Variants in CLN6 observed in about 807,000 individuals in gnomAD.
CLN6 encodes the protein ceroid-lipofuscinosis neuronal protein 6.
A neutral mutation model predicts 33.3 loss-of-function variants in CLN6; 22 were observed. The observed-to-expected ratio is 0.66, with a 90% confidence interval of 0.47 to 0.94. CLN6 has a LOEUF of 0.94. Among genes scored for constraint, CLN6 ranks in the 40% least tolerant of loss-of-function variants. The pLI is 0.00. For synonymous variants in CLN6, 201 were observed against 174.6 expected, an observed-to-expected ratio of 1.15 and a Z score of -1.19; for missense variants, 387 against 417.1, an observed-to-expected ratio of 0.93 and a Z score of 0.63.
intron 1 of CLN6, among the ~76,000 whole-genome samples, chr15:68,222,333 C>A (rs553398976): frequency 2.2e-5 from 3 of 136,764 alleles, no homozygotes; most frequent in Non-Finnish European, 4.7e-5. Flanking sequence ...GGCTGCCCAT[C>A]GTCTGTCTGG....
At position 68,227,174 on chromosome 15, in the gene CLN6, A is replaced by G. The variant is rs896334518; in HGVS notation, c.83+2328T>C. Among the ~76,000 whole-genome samples, 7 of 151,834 alleles carry G rather than the reference A, an allele frequency of 4.6e-5. No homozygotes were observed. In the East Asian group the frequency reaches 1.4e-3, roughly 29 times the overall value. On this transcript the variant is annotated intron_variant, in intron 1 of 6. Coordinates refer to ENST00000249806, the MANE Select transcript of CLN6 (RefSeq NM_017882.3). This position sits in a 1 kb window ranked among gnomAD's most constrained non-coding sequence, Gnocchi z 4.1. ...TGCCTCAGCCTCCTGAGTAGCTGGG[A>G]TTACAGGCATGGGCCATCACACCTG...
In CLN6 at chr15:68,247,159, CATAGCAA is replaced by C. The variant is rs1242491340; in HGVS notation, c.179+9524_179+9530del. 1.2e-4 allele frequency among the ~76,000 whole-genome samples: 18 copies of C among 152,102 alleles called. No individual in the cohort carries two copies. The highest frequency in any genetic ancestry group is 4.3e-4 in the African/African-American group (18 of 41,412). On this transcript the variant is annotated intron_variant, in intron 1 of 6. Transcript: ENST00000538696. This position sits in a 1 kb window ranked among gnomAD's most constrained non-coding sequence, Gnocchi z 4.2. ...TCAACATAGTATTGGAAGTCCTGTC[CATAGCAA>C]TTAGGCAAGAGAAAGAAATAAAGAG... is the stretch of plus-strand genomic sequence containing the variant.
rs1272143300 is a variant in CLN6 at position 68,214,358 on chromosome 15, T to C, written c.229A>G (p.Asn77Asp). 1 of 1,613,988 alleles carries C rather than the reference T, an allele frequency of 6.2e-7. No homozygotes were observed. Among genetic ancestry groups the C allele is most frequent in the Admixed American group, 1.7e-5 (1 of 60,028 alleles). ...AAGTAGTCCCCAACACTGGGCTTGT[T>C]GAGTGGAAACCACTCGAGAGGGAAT... is the stretch of plus-strand genomic sequence containing the variant. ...LVFPLEWFPL[N>D]KPSVGDYFHM... is the part of the protein sequence containing the mutation. The change falls in exon 3 of 7, where the codon AAC (asparagine) becomes GAC (aspartate). Residue 77 changes from asparagine (N) to aspartate (D), a missense_variant. Transcript: ENST00000249806.
At position 68,207,668 on chromosome 15, in the gene CLN6, A is replaced by T; in HGVS notation, c.*472T>A. The T allele has an allele frequency of 4.5e-6, 1 of 223,574 alleles. No individual in the cohort carries two copies. The highest frequency in any genetic ancestry group is 9.0e-6 in the Non-Finnish European group (1 of 110,890). The allele number at this position is 223,574 out of a possible 1,614,324, so 13.8% of individuals were successfully genotyped here. ...TTTGCTCAACAGCCACAGTAGGCTG[A>T]CGTAACCTATGTAATGTAGGGTCAG... On this transcript the variant is annotated 3_prime_UTR_variant, in exon 7 of 7. Transcript: ENST00000249806.
chr15:68,249,506 A>C (rs1225052712), intron 1 of CLN6, among the ~76,000 whole-genome samples: 1 of 152,218 alleles, frequency 6.6e-6, no homozygotes, highest in African/African-American at 2.4e-5. Context: ...AAAAGAATGA[A>C]ACTCTGTCAT....
chr15:68,219,692 C>T lies in CLN6; in HGVS notation c.84-1042G>A, dbSNP rs2093230196. Among the ~76,000 whole-genome samples, 1 of 152,188 alleles carries T rather than the reference C, an allele frequency of 6.6e-6. No individual in the cohort carries two copies. Among genetic ancestry groups the T allele is most frequent in the Admixed American group, 6.5e-5 (1 of 15,282 alleles). On this transcript the variant is annotated intron_variant, in intron 1 of 6. Coordinates refer to ENST00000249806, the MANE Select transcript of CLN6 (RefSeq NM_017882.3). This position sits in a 1 kb window ranked among gnomAD's most constrained non-coding sequence, Gnocchi z 4.2. ...GGAGCTGTACTCTCCCATCTAGACC[C>T]TCGAGAACAGGGGTGACCTTTAAGG...
chr15:68,221,808 T>A (rs963667986), intron 1 of CLN6, among the ~76,000 whole-genome samples: 7 of 145,488 alleles, frequency 4.8e-5, no homozygotes, highest in Non-Finnish European at 3.0e-5. Context: ...GGCCGCCCCG[T>A]CTGGGAAGTG....
intron 2 of CLN6, chr15:68,215,183 G>C (rs1016125885): frequency 1.3e-5 from 2 of 152,204 alleles, no homozygotes; most frequent in African/African-American, 4.8e-5. Context: ...GAAGGATTTA[G>C]ATGGTTCTCT....
chr15:68,222,941 A>T (rs2093242021), intron 1 of CLN6, among the ~76,000 whole-genome samples: 8 of 152,260 alleles, frequency 5.3e-5, no homozygotes. Flanking sequence ...GCTCGTTAAG[A>T]GTCATCACCA....
rs556637983 is a variant in CLN6, at chr15:68,244,612, T to C, written c.179+12078A>G. Among the ~76,000 whole-genome samples the C allele has an allele frequency of 2.6e-5, 4 of 152,174 alleles. No individual in the cohort carries two copies. In the East Asian group the frequency reaches 5.8e-4, roughly 22 times the overall value. Reference sequence around the variant, plus strand: ...ACACTAATGTGCCAAAAGAAAACATTTGAAAGCATAAAACCTACTGGTAAA... The same window carrying C: ...ACACTAATGTGCCAAAAGAAAACATCTGAAAGCATAAAACCTACTGGTAAA... On this transcript the variant is annotated intron_variant, in intron 1 of 6. Transcript: ENST00000538696.
chr15:68,249,478 A>T (rs1293761445), intron 1 of CLN6, among the ~76,000 whole-genome samples: 1 of 152,250 alleles, frequency 6.6e-6, no homozygotes, highest in African/African-American at 2.4e-5. Context: ...TATACAATGG[A>T]ATACTGTTCA....
At chr15:68,235,591 T>TAAATAAATAA (rs1171927856) in intron 1 of CLN6, among the ~76,000 whole-genome samples, 26 of 6,040 alleles carry the variant, frequency 4.3e-3, no homozygotes, top group Admixed American at 8.2e-3. Flanking sequence ...AAAATAAATA[T>TAAATAAATAA]ATATATATAT....
chr15:68,218,256 C>T (rs558453118), intron 2 of CLN6: 1 of 366,830 alleles, frequency 2.7e-6, no homozygotes, highest in South Asian at 2.3e-5. Flanking sequence ...TGCTTCCAGA[C>T]ACAGGCCAGA....
At position 68,208,067 on chromosome 15, in the gene CLN6, T is replaced by C. The variant is rs1595816335; in HGVS notation, c.*73A>G. 2.7e-6 allele frequency: 4 copies of C among 1,503,250 alleles called. No individual in the cohort carries two copies. The Admixed American group carries it at 5.9e-5, about 22-fold the overall frequency. The allele number at this position is 1,503,250 out of a possible 1,614,324, so 93.1% of individuals were successfully genotyped here. On this transcript the variant is annotated 3_prime_UTR_variant, in exon 7 of 7. Coordinates refer to ENST00000249806, the MANE Select transcript of CLN6 (RefSeq NM_017882.3). This position sits in a 1 kb window ranked among gnomAD's most constrained non-coding sequence, Gnocchi z 5.8. ...TCTGGTTACACACCCACACCCCCCCTACTCCTGTATTCAGATGCCCTCCAT... is the reference window on the plus strand; with the variant it reads ...TCTGGTTACACACCCACACCCCCCCCACTCCTGTATTCAGATGCCCTCCAT...
intron 3 of CLN6, chr15:68,214,050 G>A (rs998138736): frequency 3.2e-5 from 15 of 466,190 alleles, no homozygotes; most frequent in Non-Finnish European, 5.2e-5. Flanking sequence ...CCACTGGCAC[G>A]CCAGGCTGAG....
rs373913392 is a variant in CLN6, at chr15:68,220,375, G to T, written c.84-1725C>A. Among the ~76,000 whole-genome samples the T allele has an allele frequency of 1.4e-4, 21 of 152,300 alleles. No individual in the cohort carries two copies. The South Asian group carries it at 4.3e-3, about 32-fold the overall frequency. ...GCCACCCGTGTAGTAAGGAGCTGTG[G>T]CAACAATTCCTTTTGTCAGCCTATT... On this transcript the variant is annotated intron_variant, in intron 1 of 6. Coordinates refer to ENST00000249806, the MANE Select transcript of CLN6 (RefSeq NM_017882.3). This position sits in a 1 kb window ranked among gnomAD's most constrained non-coding sequence, Gnocchi z 4.2.
At chr15:68,222,801 G>A (rs1279663371) in intron 1 of CLN6, among the ~76,000 whole-genome samples, 1 of 152,182 alleles carries the variant, frequency 6.6e-6, no homozygotes, top group South Asian at 2.1e-4. Flanking sequence ...TTCTGCCTTG[G>A]GATGCTGTTA....
chr15:68,257,182 G>A (rs1242378564), upstream of CLN6: 6 of 275,290 alleles, frequency 2.2e-5, no homozygotes, highest in Non-Finnish European at 4.0e-5. Flanking sequence ...CGCGCCCGGC[G>A]TCGCTGAGGG....
At chr15:68,237,422 G>T (rs7162452) in intron 1 of CLN6, among the ~76,000 whole-genome samples, 4 of 151,870 alleles carry the variant, frequency 2.6e-5, no homozygotes, top group African/African-American at 7.3e-5. Context: ...CAAAAGGTCG[G>T]GGCTGCAGTG....
Sources: gnomAD v4.1 joint callset for allele counts (sites outside exome capture counted in the v4.1 genomes callset) on GRCh38, gnomAD v4.1.1 for gene constraint, Gnocchi (gnomAD v3.1) non-coding constraint, MANE v1.5 for transcripts, NCBI Gene and HGNC (gene_info 2026-07-23, HGNC 2026-07-21) for gene names.